Variants in CEP250 observed in about 807,000 individuals in gnomAD.
The protein encoded by CEP250 is centrosomal protein 250, also known as centrosome-associated protein CEP250.
Under a neutral mutation model 315.7 loss-of-function variants are expected in CEP250, and 242 were observed. The ratio of observed to expected loss-of-function variants is 0.77; its 90% confidence interval spans 0.69 to 0.85. CEP250 has a LOEUF of 0.85. CEP250 is among the 40% of genes least tolerant of loss of function. The pLI, the probability that CEP250 is intolerant of heterozygous loss-of-function variation, is 0.00. For synonymous variants in CEP250, 1,088 were observed against 1,175.0 expected (o/e 0.93, Z 1.51); for missense variants, 2,515 against 2,886.4 (o/e 0.87, Z 2.95).
intron 29 of CEP250, 82 bp from the exon 30 acceptor site, chr20:35,502,308 A>G: frequency 7.9e-7 from 1 of 1,271,540 alleles, no homozygotes; most frequent in South Asian, 1.5e-5. Context: ...TAGTGCCACA[A>G]AATAAGAAAG....
rs959584807 is a variant in CEP250 at position 35,504,865 on chromosome 20, G to A, written c.6496G>A (p.Glu2166Lys). The A allele has an allele frequency of 5.0e-6, 8 of 1,614,144 alleles. No individual in the cohort carries two copies. The African/African-American group carries it at 1.1e-4, about 22-fold the overall frequency. Residue 2166 changes from glutamate (E) to lysine (K), a missense_variant, in exon 30 of 35, where the codon GAG becomes AAG. Transcript: ENST00000397527. ...QAALRQTEAREIEWREKAQDL... is the reference protein window; with the variant it reads ...QAALRQTEARKIEWREKAQDL... ...AGCCCTGAGACAGACAGAAGCCAGG[G>A]AGATTGAGTGGAGGGAGAAGGCCCA...
At position 35,507,826 on chromosome 20, in the gene CEP250, G is replaced by T. The variant is rs949698245; in HGVS notation, c.6725G>T (p.Gly2242Val). 8.2e-6 allele frequency: 13 copies of T among 1,592,252 alleles called. No individual in the cohort carries two copies. The African/African-American group carries it at 1.6e-4, about 20-fold the overall frequency. ...ATSTAELGSR[G>V]EQGVQLGEVS... ...AGCACAGCAGAACTGGGGTCCAGAG[G>T]GGAGCAGGGTGTGCAGCTGGGAGAG... is the stretch of plus-strand genomic sequence containing the variant. The change falls in exon 31 of 35, where the codon GGG becomes GTG. Residue 2242 changes from glycine to valine, a missense_variant. Coordinates refer to ENST00000397527, the MANE Select transcript of CEP250 (RefSeq NM_007186.6).
Position 35,476,434 on chromosome 20 carries a change from C to T in CEP250, c.1717-15C>T, listed in dbSNP as rs369241638. Reference sequence around the variant, plus strand: ...ATTGGAAATATGAAACTCTTTAATCCTTTTTGTTTTTTAGGCAGAGCAGTC... The same window carrying T: ...ATTGGAAATATGAAACTCTTTAATCTTTTTTGTTTTTTAGGCAGAGCAGTC... On this transcript the variant is annotated splice_polypyrimidine_tract_variant and intron_variant, in intron 15 of 34. Transcript: ENST00000397527. 8 of 1,606,282 alleles carry T rather than the reference C, an allele frequency of 5.0e-6. No individual in the cohort carries two copies. Among genetic ancestry groups the T allele is most frequent in the Non-Finnish European group, 6.0e-6 (7 of 1,173,912 alleles).
In CEP250 at chr20:35,510,037, G is replaced by A. The variant is rs2064310629; in HGVS notation, c.7048G>A (p.Ala2350Thr). ...GQKNSDAKCV[A>T]ELQKEVVLLQ... ...GAAGAACTCAGATGCCAAGTGTGTG[G>A]CTGAACTGCAGAAAGAGGTATGTTC... The change falls in exon 34 of 35, where the codon GCT (alanine) becomes ACT (threonine). Residue 2350 changes from alanine (A) to threonine (T), a missense_variant. By Grantham distance (58) the Ala-to-Thr change is moderately conservative. Transcript: ENST00000397527. 6.2e-7 allele frequency: 1 copy of A among 1,614,194 alleles called. No individual in the cohort carries two copies. Among genetic ancestry groups the A allele is most frequent in the Non-Finnish European group, 8.5e-7 (1 of 1,180,022 alleles).
At position 35,493,592 on chromosome 20, in the gene CEP250, C is replaced by T; in HGVS notation, c.3033+20C>T. The T allele has an allele frequency of 6.6e-7, 1 of 1,514,114 alleles. No individual in the cohort carries two copies. The highest frequency in any genetic ancestry group is 1.3e-5 in the South Asian group (1 of 76,962). 93.8% of individuals were successfully genotyped at this position (1,514,114 alleles called of 1,614,324 possible). A position where few individuals can be genotyped will look rare whatever the true frequency, so the allele number is the denominator to read the frequency against. ...AAGCAGGTCCCCTCCTCCTCCCCACCAAGTCCCATGGTCCTTCCCCAACAC... is the reference window on the plus strand; with the variant it reads ...AAGCAGGTCCCCTCCTCCTCCCCACTAAGTCCCATGGTCCTTCCCCAACAC... On this transcript the variant is annotated intron_variant, in intron 23 of 34. Coordinates refer to ENST00000397527, the MANE Select transcript of CEP250 (RefSeq NM_007186.6).
chr20:35,465,633 G>C, intron 5 of CEP250, 110 bp from the exon 6 acceptor site: 1 of 718,500 alleles, frequency 1.4e-6, no homozygotes, highest in East Asian at 2.8e-5. Context: ...TGCTAACAAA[G>C]GGGAGAAAGA....
In CEP250 at chr20:35,474,029, G is replaced by C. The variant is rs545282731; in HGVS notation, c.1548G>C (p.Leu516=). Residue 516 remains leucine (L), a synonymous_variant, in exon 14 of 35, where the codon CTG becomes CTC. Coordinates refer to ENST00000397527, the MANE Select transcript of CEP250 (RefSeq NM_007186.6). ...AGGAACAGCAGGAGGAGCTGCACCT[G>C]GCTGTCCGGGAGAGGGAGCGTCTGT... ...QKEEQQEELH[L]AVRERERLQE... is the part of the protein sequence containing the mutation. 1.9e-6 allele frequency: 3 copies of C among 1,581,726 alleles called. No individual in the cohort carries two copies. Among genetic ancestry groups the C allele is most frequent in the Non-Finnish European group, 2.6e-6 (3 of 1,167,070 alleles).
At position 35,514,148 on chromosome 20, in the gene CEP250, G is replaced by C. The variant is rs535423909; in HGVS notation, c.*2522G>C. 2 of 152,458 alleles carry C rather than the reference G, an allele frequency of 1.3e-5. No homozygotes were observed. The highest frequency in any genetic ancestry group is 4.1e-4 in the South Asian group (2 of 4,830). The allele number at this position is 152,458 out of a possible 1,614,324, so 9.4% of individuals were successfully genotyped here. A position where few individuals can be genotyped will look rare whatever the true frequency, so the allele number is the denominator to read the frequency against. The stretch of plus-strand genomic sequence containing the variant: ...GAAGGAAGGAATATGTGTCATCCAG[G>C]GGGGACCCAACTTTGCCTAAGGGCA... On this transcript the variant is annotated 3_prime_UTR_variant, in exon 35 of 35. Coordinates refer to ENST00000397527, the MANE Select transcript of CEP250 (RefSeq NM_007186.6).
intron 33 of CEP250, among the ~76,000 whole-genome samples, chr20:35,509,523 C>T (rs2064295544): frequency 6.6e-6 from 1 of 152,204 alleles, no homozygotes; most frequent in African/African-American, 2.4e-5. Context: ...ACTCCCCAAA[C>T]TACTCGTCTA....
Position 35,499,840 on chromosome 20 carries a change from A to G in CEP250, c.3778-209A>G, listed in dbSNP as rs890163728. Reference sequence around the variant, plus strand: ...ACATAGATAGGTCAGAAGGGGATGGATTCTCACACTCCATCCAAGTGGAGC... The same window carrying G: ...ACATAGATAGGTCAGAAGGGGATGGGTTCTCACACTCCATCCAAGTGGAGC... On this transcript the variant is annotated intron_variant, in intron 27 of 34. Coordinates refer to ENST00000397527, the MANE Select transcript of CEP250 (RefSeq NM_007186.6). 2.6e-5 allele frequency among the ~76,000 whole-genome samples: 4 copies of G among 152,162 alleles called. 1 individual carries two copies. Among genetic ancestry groups the G allele is most frequent in the Non-Finnish European group, 4.4e-5 (3 of 68,038 alleles).
chr20:35,463,588 G>A lies in CEP250; in HGVS notation c.200G>A (p.Arg67Gln), dbSNP rs754042296. 13 of 1,609,802 alleles carry A rather than the reference G, an allele frequency of 8.1e-6. No homozygotes were observed. The East Asian group carries it at 1.6e-4, about 19-fold the overall frequency. The change falls in exon 5 of 35, where the codon CGA becomes CAA. Residue 67 changes from arginine (R) to glutamine (Q), a missense_variant. Physicochemically the swap from Arg to Gln is conservative, Grantham distance 43. Transcript: ENST00000397527. ...TTTTTGCTGCAGGTGCTGCAGTACC[G>A]AAGCTGGTGCCAAGAGCTGGAGAAG... is the stretch of plus-strand genomic sequence containing the variant. Reference protein sequence around the residue: ...RKLQAKVLQYRSWCQELEKRL... With the variant: ...RKLQAKVLQYQSWCQELEKRL...
chr20:35,457,126 G>A (rs1160055615), intron 1 of CEP250, among the ~76,000 whole-genome samples: 1 of 152,054 alleles, frequency 6.6e-6, no homozygotes, highest in Admixed American at 6.6e-5. Flanking sequence ...TTAGCATTTT[G>A]CAAGACCATT....
intron 20 of CEP250, among the ~76,000 whole-genome samples, chr20:35,483,152 C>T (rs996766602): frequency 6.6e-6 from 1 of 151,682 alleles, no homozygotes; most frequent in Non-Finnish European, 1.5e-5. Context: ...GAAACCCCGT[C>T]TCTACTAAAT....
chr20:35,482,791 G>C (rs2063388930), intron 20 of CEP250, among the ~76,000 whole-genome samples: 1 of 142,132 alleles, frequency 7.0e-6, no homozygotes, highest in South Asian at 2.3e-4. Flanking sequence ...CAAACTCCTG[G>C]GCTCAAGTGA....
chr20:35,474,909 C>G, intron 14 of CEP250: 1 of 468,138 alleles, frequency 2.1e-6, no homozygotes. Flanking sequence ...GTATTTCCCT[C>G]CTCTCCTGTG....
At chr20:35,458,770 C>G (rs1454324225) in intron 2 of CEP250, among the ~76,000 whole-genome samples, 4 of 152,050 alleles carry the variant, frequency 2.6e-5, no homozygotes, top group Admixed American at 2.6e-4. Context: ...TTCTCTGTCT[C>G]TTCTCTTTTA....
chr20:35,513,156 C>G lies in CEP250; in HGVS notation c.*1530C>G, dbSNP rs2064392830. 6.6e-6 allele frequency: 1 copy of G among 152,224 alleles called. No homozygotes were observed. The highest frequency in any genetic ancestry group is 2.4e-5 in the African/African-American group (1 of 41,464). 9.4% of individuals were successfully genotyped at this position (152,224 alleles called of 1,614,324 possible). A position where few individuals can be genotyped will look rare whatever the true frequency, so the allele number is the denominator to read the frequency against. ...GTGAAAACTTCTGAAACCCCAGAAA[C>G]AGATCTGGGGCCCCAGAAATGCTGT... On this transcript the variant is annotated 3_prime_UTR_variant, in exon 35 of 35. Coordinates refer to ENST00000397527, the MANE Select transcript of CEP250 (RefSeq NM_007186.6).
At chr20:35,463,729 G>A (rs1601119958) in intron 5 of CEP250, 98 bp downstream of exon 5, 9 of 887,818 alleles carry the variant, frequency 1.0e-5, no homozygotes, top group South Asian at 2.7e-5. Context: ...GTACAAGTGA[G>A]GTGTTTGGTG....
rs538685708 is a variant in CEP250 at position 35,467,586 on chromosome 20, C to T, written c.851+31C>T. 3.9e-5 allele frequency: 62 copies of T among 1,606,620 alleles called. No individual in the cohort carries two copies. In the South Asian group the frequency reaches 5.3e-4, roughly 14 times the overall value. On this transcript the variant is annotated intron_variant, in intron 9 of 34. Transcript: ENST00000397527. ...ATGGCCTGGGGTCCCAAGAAGGGTT[C>T]GCTGAGAGAGAGCTGACTCCTTTAG...
Sources: allele counts gnomAD v4.1 joint callset (sites outside exome capture counted in the v4.1 genomes callset), GRCh38; gene constraint gnomAD v4.1.1; transcripts MANE v1.5; gene names NCBI Gene and HGNC (gene_info 2026-07-23, HGNC 2026-07-21).